Variants in AHCYL2 observed in about 807,000 individuals in gnomAD.
AHCYL2 encodes S-adenosylhomocysteine hydrolase-like protein 2.
AHCYL2 carries 28 observed loss-of-function variants against 81.4 expected under a neutral mutation model. The ratio of observed to expected loss-of-function variants is 0.34; its 90% CI spans 0.25 to 0.47. The LOEUF (loss-of-function observed/expected upper bound fraction) is 0.47. AHCYL2 is among the 20% of genes least tolerant of loss of function. The pLI is 1.00. For missense variants in AHCYL2, 551 were observed against 785.1 expected, an observed-to-expected ratio of 0.70 and a Z score of 3.56; for synonymous variants, 272 against 290.2, an observed-to-expected ratio of 0.94 and a Z score of 0.64.
At chr7:129,326,803 A>G (rs949185171) in intron 1 of AHCYL2, among the ~76,000 whole-genome samples, 10 of 152,186 alleles carry the variant, frequency 6.6e-5, no homozygotes, top group Admixed American at 2.0e-4. Context: ...TAGCTAGAGC[A>G]TAGTGAGAAA....
chr7:129,304,729 T>A (rs780890647), intron 1 of AHCYL2, among the ~76,000 whole-genome samples: 2 of 152,168 alleles, frequency 1.3e-5, no homozygotes, highest in Non-Finnish European at 2.9e-5. Flanking sequence ...TCCATTGATA[T>A]GGAATATTTT....
At chr7:129,247,124 T>C (rs1031780390) in intron 1 of AHCYL2, among the ~76,000 whole-genome samples, 1 of 152,256 alleles carries the variant, frequency 6.6e-6, no homozygotes, top group African/African-American at 2.4e-5. Flanking sequence ...TTATGTGTAA[T>C]TATTTCATAT....
chr7:129,348,786 TTGTTAACCTGAA>T (rs1156916229), intron 1 of AHCYL2, among the ~76,000 whole-genome samples: 1 of 152,218 alleles, frequency 6.6e-6, no homozygotes, highest in Non-Finnish European at 1.5e-5. Context: ...AGGCCAAGGA[TTGTTAACCTGAA>T]TGGATCAATG....
At chr7:129,273,772 G>A (rs1013799782) in intron 1 of AHCYL2, among the ~76,000 whole-genome samples, 1 of 152,180 alleles carries the variant, frequency 6.6e-6, no homozygotes, top group Non-Finnish European at 1.5e-5. Flanking sequence ...TCTCACAGTA[G>A]CCTCACATAA....
In AHCYL2 at chr7:129,406,580, T is replaced by C; in HGVS notation, c.1295+114T>C. 1.0e-6 allele frequency: 1 copy of C among 984,844 alleles called. No individual in the cohort carries two copies. Among genetic ancestry groups the C allele is most frequent in the East Asian group, 2.4e-5 (1 of 41,754 alleles). The allele number at this position is 984,844 out of a possible 1,614,324, so 61.0% of individuals were successfully genotyped here. A position where few individuals can be genotyped will look rare whatever the true frequency, so the allele number is the denominator to read the frequency against. ...CCCAGATCCTCAGAGATGCTGCCAC[T>C]AACTCTAAGCATCTGTCTTTTAAAA... On this transcript the variant is annotated intron_variant, in intron 10 of 16. Transcript: ENST00000325006. The surrounding 1 kb of genome is among the most constrained non-coding windows in gnomAD (Gnocchi z 4.3).
chr7:129,350,634 C>T (rs1793525600), intron 1 of AHCYL2, among the ~76,000 whole-genome samples: 1 of 151,650 alleles, frequency 6.6e-6, no homozygotes, highest in Non-Finnish European at 1.5e-5. Context: ...ATCCTCCTGC[C>T]TCGGCCTTCC....
chr7:129,396,592 TTC>T (rs1795753844), intron 4 of AHCYL2, among the ~76,000 whole-genome samples: 1 of 152,100 alleles, frequency 6.6e-6, no homozygotes. Flanking sequence ...TGGGTAATTT[TTC>T]TGTATTTTTA....
rs760408358 is a variant in AHCYL2, at chr7:129,405,819, G to A, written c.1143-17G>A. 9 of 1,568,366 alleles carry A rather than the reference G, an allele frequency of 5.7e-6. No individual in the cohort carries two copies. Among genetic ancestry groups the A allele is most frequent in the Admixed American group, 1.7e-5 (1 of 58,060 alleles). On this transcript the variant is annotated splice_polypyrimidine_tract_variant and intron_variant, in intron 8 of 16. Coordinates refer to ENST00000325006, the MANE Select transcript of AHCYL2 (RefSeq NM_015328.4). ...CAAGAGAAGATTTTTCTGATTTAAT[G>A]TTTTTTTTTCCCCTAGACTTAAAAG...
At chr7:129,255,643 T>C (rs566260614) in intron 1 of AHCYL2, among the ~76,000 whole-genome samples, 75 of 152,366 alleles carry the variant, frequency 4.9e-4, no homozygotes, top group African/African-American at 1.8e-3. Context: ...ACAATTCATT[T>C]GATAGGCCTG....
intron 1 of AHCYL2, among the ~76,000 whole-genome samples, chr7:129,232,826 A>G (rs1270187584): frequency 6.6e-6 from 1 of 152,200 alleles, no homozygotes; most frequent in Non-Finnish European, 1.5e-5. Context: ...ATCTTTGCCA[A>G]CCCAGTTCTG....
intron 2 of AHCYL2, among the ~76,000 whole-genome samples, chr7:129,383,279 C>T (rs1376075951): frequency 6.6e-6 from 1 of 152,090 alleles, no homozygotes; most frequent in Non-Finnish European, 1.5e-5. Context: ...AGTCTTCCCA[C>T]CTCAGCCTCC....
At chr7:129,384,390 T>C (rs2150895484) in intron 2 of AHCYL2, among the ~76,000 whole-genome samples, 1 of 151,704 alleles carries the variant, frequency 6.6e-6, no homozygotes, top group South Asian at 2.1e-4. Context: ...ACAGAGATTT[T>C]TTTTTTTTCT....
At position 129,326,400 on chromosome 7, in the gene AHCYL2, G is replaced by A. The variant is rs1302008314; in HGVS notation, c.364-53238G>A. ...AAATTAGCCGGGCGTGGTGGCAGGC[G>A]CCTATAATCCCAGCTACTTGGGAGG... On this transcript the variant is annotated intron_variant, in intron 1 of 16. Transcript: ENST00000325006. Among the ~76,000 whole-genome samples the A allele has an allele frequency of 2.0e-5, 3 of 152,076 alleles. No homozygotes were observed. The East Asian group carries it at 5.8e-4, about 30-fold the overall frequency.
intron 1 of AHCYL2, among the ~76,000 whole-genome samples, chr7:129,240,976 G>T (rs1320411191): frequency 6.6e-6 from 1 of 152,168 alleles, no homozygotes; most frequent in East Asian, 1.9e-4. Flanking sequence ...GAATTATTTA[G>T]TTGTAAATTA....
At chr7:129,389,784 C>T (rs753024167) in intron 4 of AHCYL2, 50 bp downstream of exon 4, 26 of 1,482,442 alleles carry the variant, frequency 1.8e-5, no homozygotes, top group African/African-American at 7.0e-5. Flanking sequence ...ATAATAGCCA[C>T]GAGCTACTGA....
chr7:129,285,294 A>G lies in AHCYL2; in HGVS notation c.363+59855A>G, dbSNP rs998968627. Among the ~76,000 whole-genome samples the G allele has an allele frequency of 7.9e-5, 12 of 152,292 alleles. No homozygotes were observed. The South Asian group carries it at 2.5e-3, about 32-fold the overall frequency. On this transcript the variant is annotated intron_variant, in intron 1 of 16. Coordinates refer to ENST00000325006, the MANE Select transcript of AHCYL2 (RefSeq NM_015328.4). Reference sequence around the variant, plus strand: ...GGCCTCCTGGAGTCATTCTTGCAAGAGTTCACACAAGTTTGTTGAACTGAA... The same window carrying G: ...GGCCTCCTGGAGTCATTCTTGCAAGGGTTCACACAAGTTTGTTGAACTGAA...
chr7:129,278,763 C>CTTTT (rs36037913), intron 1 of AHCYL2, among the ~76,000 whole-genome samples: 10 of 111,370 alleles, frequency 9.0e-5, no homozygotes, highest in South Asian at 3.0e-4. Flanking sequence ...TATTGAAGCT[C>CTTTT]TTTTTTTTTT....
chr7:129,409,442 G>A, intron 10 of AHCYL2, 34 bp from the exon 11 acceptor site: 2 of 1,593,042 alleles, frequency 1.3e-6, no homozygotes. Context: ...CCAGCTGCCT[G>A]TTTAGGTTAA....
rs573364989 is a variant in AHCYL2 at position 129,424,798 on chromosome 7, A to G, written c.1561-76A>G. 1.3e-5 allele frequency: 20 copies of G among 1,510,878 alleles called. No individual in the cohort carries two copies. The Admixed American group carries it at 2.7e-4, about 20-fold the overall frequency. The allele number at this position is 1,510,878 out of a possible 1,614,324, so 93.6% of individuals were successfully genotyped here. On this transcript the variant is annotated intron_variant, in intron 13 of 16. Coordinates refer to ENST00000325006, the MANE Select transcript of AHCYL2 (RefSeq NM_015328.4). ...AGGAAGTGTTTGGAAAATGGTGGTC[A>G]TGCTTCTCTTCCCTCACTTCTCAAA...
Sources: gnomAD v4.1 joint callset for allele counts (sites outside exome capture counted in the v4.1 genomes callset) on GRCh38, gnomAD v4.1.1 for gene constraint, Gnocchi (gnomAD v3.1) non-coding constraint, MANE v1.5 for transcripts, NCBI Gene and HGNC (gene_info 2026-07-23, HGNC 2026-07-21) for gene names.